ADAMTS6: variants seen among roughly 807,000 people sequenced by gnomAD.
ADAMTS6 encodes ADAM metallopeptidase with thrombospondin type 1 motif 6, also known as A disintegrin and metalloproteinase with thrombospondin motifs 6.
Under a neutral mutation model 144.3 loss-of-function variants are expected in ADAMTS6, and 23 were observed. The ratio of observed to expected loss-of-function variants is 0.16; its 90% CI spans 0.11 to 0.23. ADAMTS6 has a LOEUF of 0.23. Among genes scored for constraint, ADAMTS6 ranks in the 10% least tolerant of loss-of-function variants. ADAMTS6 has a pLI of 1.00. For missense variants in ADAMTS6, 999 were observed against 1,379.6 expected (o/e 0.72, Z 4.37); for synonymous variants, 444 against 457.5 (o/e 0.97, Z 0.38).
intron 7 of ADAMTS6, among the ~76,000 whole-genome samples, chr5:65,442,237 T>A (rs1757920579): frequency 6.6e-6 from 1 of 152,080 alleles, no homozygotes; most frequent in African/African-American, 2.4e-5. Context: ...TTACTATACA[T>A]TCTACAGATA....
intron 3 of ADAMTS6, among the ~76,000 whole-genome samples, chr5:65,465,551 G>A (rs946372742): frequency 1.3e-5 from 2 of 152,074 alleles, no homozygotes; most frequent in African/African-American, 2.4e-5. Context: ...TGAAATAACT[G>A]TCTACATACT....
intron 24 of ADAMTS6, among the ~76,000 whole-genome samples, chr5:65,154,449 T>C (rs1752299094): frequency 6.6e-6 from 1 of 152,180 alleles, no homozygotes; most frequent in South Asian, 2.1e-4. Context: ...AGGAAGTCCG[T>C]AGGTTCTGGG....
chr5:65,406,975 T>C (rs879695222), intron 7 of ADAMTS6, among the ~76,000 whole-genome samples: 8 of 152,040 alleles, frequency 5.3e-5, no homozygotes, highest in Admixed American at 2.0e-4. Flanking sequence ...CCAAGAAATA[T>C]GGGACTATGT....
chr5:65,241,776 T>C (rs536512177), intron 15 of ADAMTS6, among the ~76,000 whole-genome samples: 4 of 152,184 alleles, frequency 2.6e-5, no homozygotes, highest in Non-Finnish European at 5.9e-5. Flanking sequence ...GTAACTTACA[T>C]ATACCCTAAG....
At chr5:65,156,752 G>C (rs1353260832) in intron 24 of ADAMTS6, among the ~76,000 whole-genome samples, 2 of 152,306 alleles carry the variant, frequency 1.3e-5, no homozygotes, top group African/African-American at 4.8e-5. Flanking sequence ...ATCTAAGCCA[G>C]TGGGTCAAGG....
chr5:65,363,591 A>G (rs1412348667), intron 7 of ADAMTS6, among the ~76,000 whole-genome samples: 2 of 152,162 alleles, frequency 1.3e-5, no homozygotes, highest in African/African-American at 4.8e-5. Flanking sequence ...TCTTTTTGGC[A>G]ACGAGTGTTT....
intron 7 of ADAMTS6, among the ~76,000 whole-genome samples, chr5:65,368,607 A>ATC (rs1750525481): frequency 6.6e-6 from 1 of 152,202 alleles, no homozygotes; most frequent in African/African-American, 2.4e-5. Flanking sequence ...TGCGGTGTCC[A>ATC]TCTTGGGTCT....
chr5:65,405,911 G>A (rs1181958516), intron 7 of ADAMTS6, among the ~76,000 whole-genome samples: 1 of 152,146 alleles, frequency 6.6e-6, no homozygotes, highest in Non-Finnish European at 1.5e-5. Context: ...TGAAGCAATT[G>A]TGAATGGGAG....
At chr5:65,158,901 C>CCCTCCATTTCT (rs1193747820) in intron 24 of ADAMTS6, among the ~76,000 whole-genome samples, 6 of 152,020 alleles carry the variant, frequency 3.9e-5, no homozygotes, top group Non-Finnish European at 8.8e-5. Context: ...TGCTTGACCT[C>CCCTCCATTTCT]CCTCCATTTC....
At chr5:65,358,056 A>G (rs1749495834) in intron 7 of ADAMTS6, among the ~76,000 whole-genome samples, 1 of 151,920 alleles carries the variant, frequency 6.6e-6, no homozygotes, top group East Asian at 1.9e-4. Flanking sequence ...TATCACTGAT[A>G]AATGCTTAAT....
chr5:65,267,760 T>TG (rs1003091586), intron 12 of ADAMTS6, among the ~76,000 whole-genome samples: 40 of 152,298 alleles, frequency 2.6e-4, no homozygotes, highest in African/African-American at 9.6e-4. Context: ...TATCCAGTAC[T>TG]GGGTCCAGGC....
At chr5:65,276,209 A>G (rs1762526981) in intron 11 of ADAMTS6, among the ~76,000 whole-genome samples, 1 of 152,168 alleles carries the variant, frequency 6.6e-6, no homozygotes, top group Non-Finnish European at 1.5e-5. Context: ...CTTTTAGAGA[A>G]TGATGCATTT....
intron 7 of ADAMTS6, among the ~76,000 whole-genome samples, chr5:65,402,869 G>T (rs1283239417): frequency 6.6e-6 from 1 of 152,070 alleles, no homozygotes; most frequent in Non-Finnish European, 1.5e-5. Context: ...AAAACTTCAT[G>T]AACTCCATGG....
chr5:65,189,257 C>G (rs1457363019), intron 21 of ADAMTS6, among the ~76,000 whole-genome samples: 1 of 152,108 alleles, frequency 6.6e-6, no homozygotes, highest in Admixed American at 6.5e-5. Context: ...AACACTTCTG[C>G]AGGATTCACT....
chr5:65,164,408 C>A (rs1753013482), intron 24 of ADAMTS6, among the ~76,000 whole-genome samples: 1 of 151,024 alleles, frequency 6.6e-6, no homozygotes, highest in African/African-American at 2.4e-5. Context: ...TGATTGCTAG[C>A]ACAGCAGTCT....
At position 65,397,293 on chromosome 5, in the gene ADAMTS6, C is replaced by T. The variant is rs947335800; in HGVS notation, c.1073+54182G>A. ...TGGTTTTGTTGATTTTCTTTATTGACTTCCTGTTTTCAAATTTATTGATTT... is the reference window on the plus strand; with the variant it reads ...TGGTTTTGTTGATTTTCTTTATTGATTTCCTGTTTTCAAATTTATTGATTT... On this transcript the variant is annotated intron_variant, in intron 7 of 24. Coordinates refer to ENST00000381055, the MANE Select transcript of ADAMTS6 (RefSeq NM_197941.4). 4.0e-5 allele frequency among the ~76,000 whole-genome samples: 6 copies of T among 151,694 alleles called. No individual in the cohort carries two copies. In the East Asian group the frequency reaches 7.7e-4, roughly 20 times the overall value.
At chr5:65,365,426 ACC>A in intron 7 of ADAMTS6, among the ~76,000 whole-genome samples, 1 of 152,126 alleles carries the variant, frequency 6.6e-6, no homozygotes, top group East Asian at 1.9e-4. Flanking sequence ...CAGGCAGATC[ACC>A]TGAGGTCAGG....
chr5:65,198,085 A>G (rs915407578), intron 20 of ADAMTS6, among the ~76,000 whole-genome samples: 1 of 152,208 alleles, frequency 6.6e-6, no homozygotes, highest in Non-Finnish European at 1.5e-5. Context: ...TCAAGATATC[A>G]AAGAGAAACA....
At chr5:65,175,542 A>G (rs1753920238) in intron 22 of ADAMTS6, among the ~76,000 whole-genome samples, 1 of 149,802 alleles carries the variant, frequency 6.7e-6, no homozygotes, top group Non-Finnish European at 1.5e-5. Flanking sequence ...TCCCGAAAGC[A>G]CTGAGGACTT....
Sources: allele counts gnomAD v4.1 joint callset (sites outside exome capture counted in the v4.1 genomes callset), GRCh38; gene constraint gnomAD v4.1.1; transcripts MANE v1.5; gene names NCBI Gene and HGNC (gene_info 2026-07-23, HGNC 2026-07-21).